The following TBCE variants were observed in gnomAD, a reference collection of about 807,000 sequenced individuals.
TBCE encodes the protein tubulin-specific chaperone E.
In TBCE, 53 loss-of-function variants were observed where a neutral mutation model predicts 77.0. That is an observed-to-expected ratio of 0.69 (90% CI 0.55 to 0.87). TBCE has a LOEUF of 0.87. TBCE is among the 40% of genes least tolerant of loss of function. The pLI is 0.00. For missense variants in TBCE, 624 were observed against 622.4 expected (o/e 1.00, Z -0.03); for synonymous variants, 235 against 241.3 (o/e 0.97, Z 0.24).
rs2102956988 is a variant in TBCE at position 235,448,357 on chromosome 1, A to G, written c.1408A>G (p.Thr470Ala). 6.2e-7 allele frequency: 1 copy of G among 1,613,972 alleles called. No individual in the cohort carries two copies. The highest frequency in any genetic ancestry group is 8.5e-7 in the Non-Finnish European group (1 of 1,179,850). Reference sequence around the variant, plus strand: ...TTCTTGTCTTTTGATAGGCTCCATGACAATTCAAAAGGTGAAGGGATTGCT... The same window carrying G: ...TTCTTGTCTTTTGATAGGCTCCATGGCAATTCAAAAGGTGAAGGGATTGCT... ...VLEKQLPGSMTIQKVKGLLSR... is the reference protein window; with the variant it reads ...VLEKQLPGSMAIQKVKGLLSR... The change falls in exon 16 of 17, where the codon ACA (threonine) becomes GCA (alanine). Residue 470 changes from threonine (T) to alanine (A), a missense_variant. Physicochemically the swap from Thr to Ala is moderately conservative, Grantham distance 58. Transcript: ENST00000642610.
intron 3 of TBCE, among the ~76,000 whole-genome samples, chr1:235,405,701 C>T (rs1218650710): frequency 6.6e-6 from 1 of 151,854 alleles, no homozygotes; most frequent in Non-Finnish European, 1.5e-5. Flanking sequence ...GTATAGTGAA[C>T]ACTTAAACTA....
At chr1:235,443,054 A>G in intron 15 of TBCE, 143 bp downstream of exon 15, 1 of 817,792 alleles carries the variant, frequency 1.2e-6, no homozygotes, top group Non-Finnish European at 2.0e-6. Context: ...ATATTCTAAA[A>G]TACAATCAAT....
chr1:235,439,039 C>A, intron 13 of TBCE, 117 bp downstream of exon 13: 1 of 1,433,940 alleles, frequency 7.0e-7, no homozygotes, highest in Non-Finnish European at 9.7e-7. Flanking sequence ...CTTTCCTGGG[C>A]TTCTTGTATT....
intron 2 of TBCE, among the ~76,000 whole-genome samples, chr1:235,387,459 G>A (rs942510197): frequency 5.9e-5 from 9 of 152,156 alleles, no homozygotes; most frequent in Non-Finnish European, 8.8e-5. Context: ...CACCCAGTTC[G>A]AGCTTCCCGG....
At chr1:235,426,065 G>A (rs973606023) in intron 5 of TBCE, among the ~76,000 whole-genome samples, 4 of 152,156 alleles carry the variant, frequency 2.6e-5, no homozygotes, top group Non-Finnish European at 5.9e-5. Flanking sequence ...CAGAATAGAC[G>A]AGTGCATTGA....
At chr1:235,394,712 C>T (rs1572352679) in intron 2 of TBCE, among the ~76,000 whole-genome samples, 1 of 151,950 alleles carries the variant, frequency 6.6e-6, no homozygotes, top group African/African-American at 2.4e-5. Flanking sequence ...TGAACCACCA[C>T]ACCTAGCCCT....
At chr1:235,378,405 G>C (rs867983182) in intron 1 of TBCE, among the ~76,000 whole-genome samples, 14 of 151,358 alleles carry the variant, frequency 9.2e-5, no homozygotes, top group African/African-American at 3.4e-4. Context: ...ATTTTTTTTT[G>C]GTAGAGATAA....
chr1:235,445,523 C>T (rs1190049653), intron 15 of TBCE, among the ~76,000 whole-genome samples: 2 of 152,120 alleles, frequency 1.3e-5, no homozygotes, highest in African/African-American at 4.8e-5. Flanking sequence ...GTAGTCCCAG[C>T]TGCTTGGGCG....
At chr1:235,439,029 C>A in intron 13 of TBCE, 107 bp downstream of exon 13, 1 of 1,484,758 alleles carries the variant, frequency 6.7e-7, no homozygotes, top group African/African-American at 1.4e-5. Context: ...GCCCTTCTTC[C>A]TTTCCTGGGC....
chr1:235,402,110 C>T (rs1679147988), intron 3 of TBCE, among the ~76,000 whole-genome samples: 2 of 148,372 alleles, frequency 1.3e-5, no homozygotes, highest in South Asian at 4.2e-4. Context: ...TGTCGCCCAG[C>T]TGGAGTGCAG....
intron 2 of TBCE, among the ~76,000 whole-genome samples, chr1:235,381,713 G>T (rs1305035901): frequency 5.5e-5 from 6 of 109,536 alleles, no homozygotes; most frequent in African/African-American, 1.7e-4. Flanking sequence ...AAAAAAAAAA[G>T]ACTGATTTGC....
chr1:235,431,108 C>T (rs369408378), intron 7 of TBCE, among the ~76,000 whole-genome samples: 4 of 152,082 alleles, frequency 2.6e-5, no homozygotes, highest in Non-Finnish European at 5.9e-5. Context: ...TTCAAAAAGC[C>T]GTAGTGTTGG....
chr1:235,391,349 G>A (rs893228873), intron 2 of TBCE, among the ~76,000 whole-genome samples: 3 of 151,568 alleles, frequency 2.0e-5, no homozygotes, highest in Non-Finnish European at 4.4e-5. Context: ...GCTGGGTGTG[G>A]TAGTGGGTGC....
intron 3 of TBCE, among the ~76,000 whole-genome samples, chr1:235,410,236 G>C (rs1041886163): frequency 6.6e-6 from 1 of 151,964 alleles, no homozygotes; most frequent in Non-Finnish European, 1.5e-5. Flanking sequence ...AACAGAGGGA[G>C]ACTCTATCTC....
At chr1:235,435,339 G>T (rs1681376575) in intron 8 of TBCE, among the ~76,000 whole-genome samples, 1 of 152,196 alleles carries the variant, frequency 6.6e-6, no homozygotes, top group African/African-American at 2.4e-5. Context: ...GACCTCAGAT[G>T]ATCCACCCGC....
chr1:235,377,802 G>A (rs1224841980), intron 1 of TBCE, among the ~76,000 whole-genome samples: 2 of 151,930 alleles, frequency 1.3e-5, no homozygotes, highest in African/African-American at 2.4e-5. Flanking sequence ...CAGGCATCGC[G>A]CCACCACGCC....
At chr1:235,372,845 A>AC (rs1677055368) in intron 1 of TBCE, among the ~76,000 whole-genome samples, 1 of 150,294 alleles carries the variant, frequency 6.7e-6, no homozygotes, top group South Asian at 2.1e-4. Flanking sequence ...AATGGCGTGA[A>AC]CCCGGGAGGC....
chr1:235,406,127 T>TTA (rs1279331055), intron 3 of TBCE, among the ~76,000 whole-genome samples: 1 of 152,194 alleles, frequency 6.6e-6, no homozygotes, highest in Non-Finnish European at 1.5e-5. Context: ...CATTAAAAAA[T>TTA]TATATGAGTA....
intron 2 of TBCE, among the ~76,000 whole-genome samples, chr1:235,389,712 G>A (rs190363926): frequency 4.6e-5 from 7 of 152,106 alleles, no homozygotes; most frequent in East Asian, 1.9e-4. Flanking sequence ...TAATTTCTGC[G>A]GTTACTTCAC....
Sources: gnomAD v4.1 joint callset for allele counts (sites outside exome capture counted in the v4.1 genomes callset) on GRCh38, gnomAD v4.1.1 for gene constraint, MANE v1.5 for transcripts, NCBI Gene and HGNC (gene_info 2026-07-23, HGNC 2026-07-21) for gene names.